TESK2: variants seen among roughly 807,000 people sequenced by gnomAD.
TESK2 encodes the protein dual specificity testis-specific protein kinase 2.
TESK2 carries 39 observed loss-of-function variants against 57.1 expected under a neutral mutation model. The observed-to-expected ratio is 0.68, with a 90% CI of 0.53 to 0.89. TESK2 has a LOEUF of 0.89. TESK2 is among the 40% of genes least tolerant of loss of function. The probability of loss-of-function intolerance (pLI) is 0.00; values close to 1 mark genes in which losing one functional copy is unlikely to be tolerated. For synonymous variants in TESK2, 249 were observed against 267.9 expected (o/e 0.93, Z 0.69); for missense variants, 646 against 732.1 (o/e 0.88, Z 1.36).
intron 3 of TESK2, among the ~76,000 whole-genome samples, chr1:45,419,003 G>C (rs1650356482): frequency 1.4e-5 from 2 of 145,776 alleles, no homozygotes; most frequent in African/African-American, 5.2e-5. Context: ...TTTTGAGACA[G>C]AGTCTTGCTC....
At chr1:45,359,469 A>C (rs2149266585) in intron 4 of TESK2, among the ~76,000 whole-genome samples, 1 of 152,210 alleles carries the variant, frequency 6.6e-6, no homozygotes, top group East Asian at 1.9e-4. Context: ...CTGAGGCAGG[A>C]GAATCACTTG....
intron 3 of TESK2, among the ~76,000 whole-genome samples, chr1:45,395,609 CT>C (rs201678906): frequency 2.7e-3 from 351 of 132,426 alleles, no homozygotes; most frequent in Non-Finnish European, 3.1e-3. Flanking sequence ...CTTTTCTTTT[CT>C]TTTTTTTTTT....
At position 45,344,885 on chromosome 1, in the gene TESK2, G is replaced by A; in HGVS notation, c.1671C>T (p.Ser557=). 3 of 1,613,766 alleles carry A rather than the reference G, an allele frequency of 1.9e-6. No homozygotes were observed. The highest frequency in any genetic ancestry group is 2.5e-6 in the Non-Finnish European group (3 of 1,180,034). The change falls in exon 11 of 11, where the codon TCC becomes TCT. Residue 557 remains serine, a synonymous_variant. Coordinates refer to ENST00000372086, the MANE Select transcript of TESK2 (RefSeq NM_007170.3). The part of the protein sequence containing the change: ...RPAGSTPATF[S]TSGIGLQTQG... ...GGGTTTGCAGGCCTATGCCTGAGGT[G>A]GAGAAGGTGGCTGGAGTTGAGCCTG...
intron 4 of TESK2, among the ~76,000 whole-genome samples, chr1:45,358,265 A>T (rs899825117): frequency 3.3e-5 from 5 of 151,638 alleles, no homozygotes; most frequent in Non-Finnish European, 7.4e-5. Context: ...GTGAGCCGAG[A>T]CTGTACCACT....
chr1:45,476,575 C>T (rs541270140), intron 1 of TESK2, among the ~76,000 whole-genome samples: 170 of 152,080 alleles, frequency 1.1e-3, no homozygotes, highest in African/African-American at 3.4e-3. Context: ...TAGCCAGGCG[C>T]GGTGGCTCAC....
intron 3 of TESK2, among the ~76,000 whole-genome samples, chr1:45,413,437 A>G (rs1346064481): frequency 6.6e-6 from 1 of 152,172 alleles, no homozygotes; most frequent in Non-Finnish European, 1.5e-5. Context: ...TGCTGGGCAC[A>G]CAATAGCTCT....
intron 2 of TESK2, among the ~76,000 whole-genome samples, chr1:45,442,229 C>T (rs1651474305): frequency 6.6e-6 from 1 of 152,140 alleles, no homozygotes; most frequent in South Asian, 2.1e-4. Flanking sequence ...AGCCACCTCG[C>T]CTGGCCAAAA....
rs35869444 is a variant in TESK2, at chr1:45,479,813, C to CT, written c.-87+11038dup. Among the ~76,000 whole-genome samples the CT allele has an allele frequency of 5.9e-3, 401 of 68,440 alleles. 1 individual carries two copies. Among genetic ancestry groups the CT allele is most frequent in the Non-Finnish European group, 7.1e-3 (283 of 39,824 alleles). 44.9% of individuals were successfully genotyped at this position (68,440 alleles called of 152,430 possible). A position where few individuals can be genotyped will look rare whatever the true frequency, so the allele number is the denominator to read the frequency against. ...AAGGACTGAAATGCAGAAGGCCCTT[C>CT]TTTTTTTTTTTTTTTTTTTTTTTGA... is the stretch of plus-strand genomic sequence containing the variant. On this transcript the variant is annotated intron_variant, in intron 1 of 10. Coordinates refer to ENST00000372086, the MANE Select transcript of TESK2 (RefSeq NM_007170.3).
In TESK2 at chr1:45,371,695, T is replaced by G. The variant is rs570131020; in HGVS notation, c.393+14217A>C. 5.9e-4 allele frequency among the ~76,000 whole-genome samples: 89 copies of G among 151,650 alleles called. 1 individual carries two copies. The Middle Eastern group carries it at 0.034, about 58-fold the overall frequency. Reference sequence around the variant, plus strand: ...CTGGGCAACATGGTGAAACCCCATCTCTACAAAAAATACCAAAAAAAAATT... The same window carrying G: ...CTGGGCAACATGGTGAAACCCCATCGCTACAAAAAATACCAAAAAAAAATT... On this transcript the variant is annotated intron_variant, in intron 4 of 10. Coordinates refer to ENST00000372086, the MANE Select transcript of TESK2 (RefSeq NM_007170.3).
chr1:45,488,201 T>G (rs57910611), intron 1 of TESK2, among the ~76,000 whole-genome samples: 1 of 152,086 alleles, frequency 6.6e-6, no homozygotes, highest in Admixed American at 6.6e-5. Flanking sequence ...AAATCCAAAG[T>G]GAGCCACTAC....
intron 2 of TESK2, among the ~76,000 whole-genome samples, chr1:45,427,432 C>T (rs962731211): frequency 6.6e-6 from 1 of 152,084 alleles, no homozygotes; most frequent in Non-Finnish European, 1.5e-5. Context: ...GAAGGGAAAT[C>T]GGTATGTCAA....
In TESK2 at chr1:45,392,347, T is replaced by G. The variant is rs181411224; in HGVS notation, c.345-6387A>C. On this transcript the variant is annotated intron_variant, in intron 3 of 10. Coordinates refer to ENST00000372086, the MANE Select transcript of TESK2 (RefSeq NM_007170.3). Reference sequence around the variant, plus strand: ...GGTGATCCACCCACCTCAGGTGATCTGCCTGCCTTAGCCTCCCAAAGTGCT... The same window carrying G: ...GGTGATCCACCCACCTCAGGTGATCGGCCTGCCTTAGCCTCCCAAAGTGCT... 1.4e-3 allele frequency among the ~76,000 whole-genome samples: 213 copies of G among 152,294 alleles called. 5 individuals are homozygous for G. The South Asian group carries it at 0.035, about 25-fold the overall frequency.
chr1:45,370,641 G>T (rs996691472), intron 4 of TESK2, among the ~76,000 whole-genome samples: 3 of 152,190 alleles, frequency 2.0e-5, no homozygotes, highest in Admixed American at 2.0e-4. Flanking sequence ...TGAGGAATTG[G>T]TTGGGCCAGG....
chr1:45,377,999 C>T (rs1436293845), intron 4 of TESK2, among the ~76,000 whole-genome samples: 1 of 151,716 alleles, frequency 6.6e-6, no homozygotes, highest in Admixed American at 6.6e-5. Context: ...GCACTCCAGC[C>T]TGGGTGACAG....
In TESK2 at chr1:45,402,303, G is replaced by C. The variant is rs966214181; in HGVS notation, c.345-16343C>G. 4.6e-5 allele frequency among the ~76,000 whole-genome samples: 7 copies of C among 150,694 alleles called. No homozygotes were observed. The South Asian group carries it at 1.5e-3, about 32-fold the overall frequency. On this transcript the variant is annotated intron_variant, in intron 3 of 10. Coordinates refer to ENST00000372086, the MANE Select transcript of TESK2 (RefSeq NM_007170.3). ...CAGCTACTCAGAAGACAGCCAGGAG[G>C]ATCACTTGAGGTCAGAAGGTCAAGG...
chr1:45,389,638 C>T (rs909127030), intron 3 of TESK2, among the ~76,000 whole-genome samples: 1 of 152,194 alleles, frequency 6.6e-6, no homozygotes, highest in African/African-American at 2.4e-5. Context: ...ATAGAAAACA[C>T]TAAGGCATTG....
chr1:45,470,862 G>A (rs1652733522), intron 1 of TESK2, among the ~76,000 whole-genome samples: 1 of 152,124 alleles, frequency 6.6e-6, no homozygotes, highest in Admixed American at 6.6e-5. Flanking sequence ...CTATAAAATA[G>A]ATGCCATTAT....
rs74227016 is a variant in TESK2 at position 45,428,116 on chromosome 1, T to C, written c.223-6270A>G. ...AAAACAGCAATAACATAGCTAACAT[T>C]TACAGCATTTGCTACATACTAGGTA... On this transcript the variant is annotated intron_variant, in intron 2 of 10. Transcript: ENST00000372086. 3.5e-3 allele frequency among the ~76,000 whole-genome samples: 528 copies of C among 152,294 alleles called. 7 individuals carry two copies. The highest frequency in any genetic ancestry group is 0.031 in the East Asian group (162 of 5,190).
At chr1:45,394,876 C>T (rs988162650) in intron 3 of TESK2, among the ~76,000 whole-genome samples, 3 of 150,972 alleles carry the variant, frequency 2.0e-5, no homozygotes, top group Non-Finnish European at 3.0e-5. Flanking sequence ...TTAGTAGAGA[C>T]GGGGTGTTTC....
Sources: allele counts gnomAD v4.1 joint callset (sites outside exome capture counted in the v4.1 genomes callset), GRCh38; gene constraint gnomAD v4.1.1; transcripts MANE v1.5; gene names NCBI Gene and HGNC (gene_info 2026-07-23, HGNC 2026-07-21).